Variants in LRWD1 observed in about 807,000 individuals in gnomAD.
The protein encoded by LRWD1 is leucine rich repeats and WD repeat domain containing 1, also known as leucine-rich repeat and WD repeat-containing protein 1.
LRWD1 carries 76 observed loss-of-function variants against 75.6 expected under a neutral mutation model. That is an observed-to-expected ratio of 1.01 (90% CI 0.84 to 1.22). The LOEUF is 1.22. Ranked by LOEUF, LRWD1 falls within the 50% of genes most tolerant of loss-of-function variation. The probability of loss-of-function intolerance (pLI) is 0.00; values close to 1 mark genes in which losing one functional copy is unlikely to be tolerated. For missense variants in LRWD1, 917 were observed against 862.0 expected, an observed-to-expected ratio of 1.06 and a Z score of -0.80; for synonymous variants, 487 against 377.0, an observed-to-expected ratio of 1.29 and a Z score of -3.38.
chr7:102,473,002 A>G lies in LRWD1; in HGVS notation c.1897A>G (p.Thr633Ala). 6.2e-7 allele frequency: 1 copy of G among 1,612,120 alleles called. No homozygotes were observed. The highest frequency in any genetic ancestry group is 1.1e-5 in the South Asian group (1 of 90,982). ...VVANASFTYL[T>A]ALTDSNIVAI... ...GGCCAATGCCTCCTTCACCTACCTC[A>G]CCGCCCTGACGGACTCCAACATCGT... Residue 633 changes from threonine (T) to alanine (A), a missense_variant, in exon 15 of 15, where the codon ACC becomes GCC. Coordinates refer to ENST00000292616, the MANE Select transcript of LRWD1 (RefSeq NM_152892.3).
rs1240800499 is a variant in LRWD1 at position 102,472,765 on chromosome 7, G to A, written c.1764G>A (p.Gln588=). 6.2e-7 allele frequency: 1 copy of A among 1,613,430 alleles called. No individual in the cohort carries two copies. The highest frequency in any genetic ancestry group is 1.7e-5 in the Admixed American group (1 of 60,004). ...ACGACGTCAGCAACATCCTGAAGCA[G>A]CCACCCCTGCTGCCGGCAGCCCTGC... is the stretch of plus-strand genomic sequence containing the variant. ...WLYDVSNILK[Q]PPLLPAALQA... The change falls in exon 14 of 15, where the codon CAG becomes CAA. Residue 588 remains glutamine, a synonymous_variant. Coordinates refer to ENST00000292616, the MANE Select transcript of LRWD1 (RefSeq NM_152892.3).
In LRWD1 at chr7:102,472,299, G is replaced by A. The variant is rs1208160102; in HGVS notation, c.1524G>A (p.Glu508=). Residue 508 remains glutamate (E), a synonymous_variant, in exon 12 of 15, where the codon GAG becomes GAA. Coordinates refer to ENST00000292616, the MANE Select transcript of LRWD1 (RefSeq NM_152892.3). ...RRVDGLAFVN[E]DIVASKGSGL... ...TGGATGGGCTGGCATTTGTGAATGAGGACATCGTGGGTGAGTGAGCTCAGC... is the reference window on the plus strand; with the variant it reads ...TGGATGGGCTGGCATTTGTGAATGAAGACATCGTGGGTGAGTGAGCTCAGC... 1.3e-6 allele frequency: 2 copies of A among 1,575,032 alleles called. No individual in the cohort carries two copies. Among genetic ancestry groups the A allele is most frequent in the South Asian group, 1.2e-5 (1 of 86,414 alleles).
chr7:102,472,931 G>A lies in LRWD1; in HGVS notation c.1826G>A (p.Trp609Ter). ...PTQILKWPQP[W>*]ALGQVVTKTM... ...CAGATCCTGAAGTGGCCCCAGCCCT[G>A]GGCCCTTGGCCAGGTGGTGACCAAG... The change falls in exon 15 of 15, where the codon TGG becomes TAG. Residue 609 changes from tryptophan (W) to a stop codon, truncating the protein, a stop_gained. Transcript: ENST00000292616. LOFTEE classifies it high-confidence loss of function. 1 of 1,613,956 alleles carries A rather than the reference G, an allele frequency of 6.2e-7. No homozygotes were observed. The highest frequency in any genetic ancestry group is 8.5e-7 in the Non-Finnish European group (1 of 1,179,960).
In LRWD1 at chr7:102,469,563, C is replaced by T. The variant is rs771065185; in HGVS notation, c.1229-11C>T. The T allele has an allele frequency of 1.2e-6, 2 of 1,614,088 alleles. No individual in the cohort carries two copies. The highest frequency in any genetic ancestry group is 1.7e-6 in the Non-Finnish European group (2 of 1,179,932). On this transcript the variant is annotated splice_polypyrimidine_tract_variant and intron_variant, in intron 9 of 14. Transcript: ENST00000292616. ...CAGGGCCACTTCTCCCCTACCCCAC[C>T]CCCTCTTCAGCGGCCTCCTATGACA...
At chr7:102,471,231 T>G (rs1798172921) in intron 11 of LRWD1, 1 of 151,248 alleles carries the variant, frequency 6.6e-6, no homozygotes, top group African/African-American at 2.4e-5. Flanking sequence ...TGCACCCAGC[T>G]GACTTTTGTC....
chr7:102,472,016 A>C (rs1798207142), intron 11 of LRWD1: 9 of 574,210 alleles, frequency 1.6e-5, no homozygotes, highest in Admixed American at 2.8e-5. Context: ...CACTACTGTG[A>C]CTCGGGACAC....
chr7:102,467,621 C>T (rs1298228751), intron 4 of LRWD1, 98 bp from the exon 5 acceptor site: 1 of 1,507,242 alleles, frequency 6.6e-7, no homozygotes, highest in Admixed American at 2.0e-5. Context: ...GAGGCCCTTC[C>T]CCAACTCTGG....
At position 102,472,445 on chromosome 7, in the gene LRWD1, C is replaced by CCCCCACAGCCT; in HGVS notation, c.1535-6_1539dup. ...GCCACCCTGCACAGCTCTCCCTTCT[C>CCCCCACAGCCT]CCCCACAGCCTCCAAGGGGAGCGGC... On this transcript the variant is annotated splice_polypyrimidine_tract_variant and intron_variant, in intron 12 of 14. Transcript: ENST00000292616. 6.5e-7 allele frequency: 1 copy of CCCCCACAGCCT among 1,536,260 alleles called. No individual in the cohort carries two copies. Among genetic ancestry groups the CCCCCACAGCCT allele is most frequent in the Non-Finnish European group, 8.8e-7 (1 of 1,138,350 alleles).
intron 1 of LRWD1, among the ~76,000 whole-genome samples, chr7:102,465,367 A>G (rs1237433732): frequency 6.6e-6 from 1 of 152,094 alleles, no homozygotes; most frequent in Non-Finnish European, 1.5e-5. Context: ...GAGCCCGGAC[A>G]GTTAGGGGCA....
At position 102,472,898 on chromosome 7, in the gene LRWD1, C is replaced by A; in HGVS notation, c.1804-11C>A. 2 of 1,612,584 alleles carry A rather than the reference C, an allele frequency of 1.2e-6. No homozygotes were observed. The highest frequency in any genetic ancestry group is 1.7e-6 in the Non-Finnish European group (2 of 1,178,924). On this transcript the variant is annotated splice_polypyrimidine_tract_variant and intron_variant, in intron 14 of 14. Coordinates refer to ENST00000292616, the MANE Select transcript of LRWD1 (RefSeq NM_152892.3). ...GGAGCCCAGCCCAGCCCTCCCCTCTCTCCCCACCAGATCCTGAAGTGGCCC... is the reference window on the plus strand; with the variant it reads ...GGAGCCCAGCCCAGCCCTCCCCTCTATCCCCACCAGATCCTGAAGTGGCCC...
chr7:102,472,357 T>C (rs377633304), intron 12 of LRWD1, 48 bp downstream of exon 12: 1 of 1,552,480 alleles, frequency 6.4e-7, no homozygotes, highest in African/African-American at 1.4e-5. Flanking sequence ...GGCACACAGA[T>C]GGACCGCTTG....
In LRWD1 at chr7:102,473,069, A is replaced by T. The variant is rs1475164597; in HGVS notation, c.*20A>T. The T allele has an allele frequency of 6.3e-7, 1 of 1,588,038 alleles. No individual in the cohort carries two copies. Among genetic ancestry groups the T allele is most frequent in the East Asian group, 2.4e-5 (1 of 42,106 alleles). On this transcript the variant is annotated 3_prime_UTR_variant, in exon 15 of 15. Coordinates refer to ENST00000292616, the MANE Select transcript of LRWD1 (RefSeq NM_152892.3). ...ATGTAGCCTCACACCATCGCAAAGG[A>T]CCAGGGACACAGCTAACTAACTTAT... is the stretch of plus-strand genomic sequence containing the variant.
intron 9 of LRWD1, 125 bp downstream of exon 9, chr7:102,469,187 G>A (rs116727869): frequency 4.9e-5 from 40 of 810,086 alleles, no homozygotes; most frequent in African/African-American, 6.9e-5. Flanking sequence ...AGTCTGCACC[G>A]CTCCGACTCT....
At position 102,466,012 on chromosome 7, in the gene LRWD1, G is replaced by T. The variant is rs146433593; in HGVS notation, c.276G>T (p.Lys92Asn). Reference sequence around the variant, plus strand: ...TTACTGCCTTGTGCCAGTTCCCCAAGCTCGAGGAACTCAGCCTGGAGGGCA... The same window carrying T: ...TTACTGCCTTGTGCCAGTTCCCCAATCTCGAGGAACTCAGCCTGGAGGGCA... ...GDVTALCQFPKLEELSLEGNP... is the reference protein window; with the variant it reads ...GDVTALCQFPNLEELSLEGNP... The change falls in exon 2 of 15, where the codon AAG becomes AAT. Residue 92 changes from lysine (K) to asparagine (N), a missense_variant. By Grantham distance (94) the Lys-to-Asn change is moderately conservative. Coordinates refer to ENST00000292616, the MANE Select transcript of LRWD1 (RefSeq NM_152892.3). 1 of 1,613,994 alleles carries T rather than the reference G, an allele frequency of 6.2e-7. No homozygotes were observed. Among genetic ancestry groups the T allele is most frequent in the African/African-American group, 1.3e-5 (1 of 75,038 alleles).
chr7:102,469,591 C>T lies in LRWD1; in HGVS notation c.1246C>T (p.Arg416Trp), dbSNP rs750146673. 28 of 1,614,074 alleles carry T rather than the reference C, an allele frequency of 1.7e-5. No homozygotes were observed. Among genetic ancestry groups the T allele is most frequent in the African/African-American group, 2.7e-5 (2 of 74,948 alleles). Residue 416 changes from arginine (R) to tryptophan (W), a missense_variant, in exon 10 of 15, where the codon CGG becomes TGG. Physicochemically the swap from Arg to Trp is moderately radical, Grantham distance 101. Coordinates refer to ENST00000292616, the MANE Select transcript of LRWD1 (RefSeq NM_152892.3). Reference sequence around the variant, plus strand: ...CTCTTCAGCGGCCTCCTATGACAAGCGGATCATCCTCTGGGACATCGGGGT... The same window carrying T: ...CTCTTCAGCGGCCTCCTATGACAAGTGGATCATCCTCTGGGACATCGGGGT... ...THLFTASYDK[R>W]IILWDIGVPN...
In LRWD1 at chr7:102,468,055, TC is replaced by T; in HGVS notation, c.679-5del. The T allele has an allele frequency of 6.2e-7, 1 of 1,606,156 alleles. No individual in the cohort carries two copies. On this transcript the variant is annotated splice_region_variant and splice_polypyrimidine_tract_variant and intron_variant, in intron 5 of 14. Transcript: ENST00000292616. ...ACAGGCCCATGGTCACAAGGCCCCC[TC>T]CACAGGCCAGACTGGCGGCCTTGAA...
chr7:102,470,239 C>T (rs112041914), intron 11 of LRWD1: 12,908 of 207,116 alleles, frequency 0.062, 436 homozygotes, highest in Non-Finnish European at 0.074. Flanking sequence ...CGATGGCTAG[C>T]GGAGGGCAGG....
chr7:102,471,946 C>T (rs528397779), intron 11 of LRWD1: 1 of 443,946 alleles, frequency 2.3e-6, no homozygotes, highest in Admixed American at 3.5e-5. Context: ...CGCTTCAGAG[C>T]CTTATCCAAC....
intron 11 of LRWD1, chr7:102,470,162 C>G (rs2133270728): frequency 2.4e-6 from 1 of 413,076 alleles, no homozygotes; most frequent in Non-Finnish European, 4.3e-6. Flanking sequence ...CCAGCCCACT[C>G]CTGCCACTCA....
Sources: allele counts gnomAD v4.1 joint callset (sites outside exome capture counted in the v4.1 genomes callset), GRCh38; gene constraint gnomAD v4.1.1; transcripts MANE v1.5; gene names NCBI Gene and HGNC (gene_info 2026-07-23, HGNC 2026-07-21).